The following FER variants were observed in gnomAD, a reference collection of about 807,000 sequenced individuals.
The protein encoded by FER is tyrosine-protein kinase Fer.
FER carries 63 observed loss-of-function variants against 111.0 expected under a neutral mutation model. The ratio of observed to expected loss-of-function variants is 0.57; its 90% CI spans 0.46 to 0.70. FER has a LOEUF of 0.70. FER is among the 30% of genes least tolerant of loss of function. The pLI is 0.00. For missense variants in FER, 914 were observed against 954.0 expected, an observed-to-expected ratio of 0.96 and a Z score of 0.55; for synonymous variants, 327 against 313.9, an observed-to-expected ratio of 1.04 and a Z score of -0.44.
At chr5:109,041,035 T>A (rs888331752) in intron 14 of FER, among the ~76,000 whole-genome samples, 1 of 152,046 alleles carries the variant, frequency 6.6e-6, no homozygotes, top group African/African-American at 2.4e-5. Context: ...ATGGGAGATT[T>A]GAGAAGAGAA....
intron 10 of FER, among the ~76,000 whole-genome samples, chr5:108,923,293 G>C (rs573743113): frequency 3.0e-4 from 46 of 151,832 alleles, no homozygotes; most frequent in African/African-American, 1.0e-3. Context: ...TAAAAAGTGA[G>C]TATCCAAAAA....
At chr5:109,116,912 A>G (rs531204352) in intron 17 of FER, among the ~76,000 whole-genome samples, 1 of 152,272 alleles carries the variant, frequency 6.6e-6, no homozygotes, top group African/African-American at 2.4e-5. Context: ...ATGCTTTTTA[A>G]AAAGGCCAAA....
rs544935038 is a variant in FER at position 109,116,643 on chromosome 5, C to G, written c.2048+16124C>G. ...TTATTCTCTTTACATGTTGCTTGTG[C>G]TGATGTCATTGATTATAGGCTGCCA... is the stretch of plus-strand genomic sequence containing the variant. On this transcript the variant is annotated intron_variant, in intron 17 of 19. Coordinates refer to ENST00000281092, the MANE Select transcript of FER (RefSeq NM_005246.4). Among the ~76,000 whole-genome samples the G allele has an allele frequency of 1.6e-3, 249 of 152,182 alleles. 1 individual carries two copies. The highest frequency in any genetic ancestry group is 5.7e-3 in the African/African-American group (235 of 41,520).
chr5:108,858,163 T>A (rs1254476995), intron 5 of FER, among the ~76,000 whole-genome samples: 1 of 152,198 alleles, frequency 6.6e-6, no homozygotes, highest in Non-Finnish European at 1.5e-5. Context: ...TTCACATTGA[T>A]ACTTCAAATT....
intron 5 of FER, among the ~76,000 whole-genome samples, chr5:108,856,528 AATG>A (rs1239749061): frequency 3.8e-4 from 58 of 152,188 alleles, no homozygotes; most frequent in Admixed American, 3.4e-3. Context: ...ATGCTAAATT[AATG>A]ATGATCTCTA....
At chr5:109,065,697 T>C (rs1002416787) in intron 16 of FER, among the ~76,000 whole-genome samples, 15 of 152,312 alleles carry the variant, frequency 9.8e-5, no homozygotes, top group Admixed American at 9.8e-4. Context: ...AAGCATTGTA[T>C]AGCCTCTTGT....
chr5:109,007,785 T>C (rs1415784593), intron 13 of FER, among the ~76,000 whole-genome samples: 1 of 152,186 alleles, frequency 6.6e-6, no homozygotes, highest in Non-Finnish European at 1.5e-5. Flanking sequence ...ATGAATGAGA[T>C]TGGTGGTTTG....
intron 13 of FER, among the ~76,000 whole-genome samples, chr5:109,034,118 T>A (rs1770028058): frequency 6.6e-6 from 1 of 152,194 alleles, no homozygotes; most frequent in African/African-American, 2.4e-5. Flanking sequence ...TTTGTACCAT[T>A]TGGTCAACTT....
At chr5:109,104,597 A>G (rs1048442054) in intron 17 of FER, among the ~76,000 whole-genome samples, 3 of 152,174 alleles carry the variant, frequency 2.0e-5, no homozygotes, top group African/African-American at 7.2e-5. Context: ...CAAAGTTACA[A>G]TGCTTTGTAA....
chr5:109,015,139 A>G (rs1365188877), intron 13 of FER, among the ~76,000 whole-genome samples: 1 of 152,044 alleles, frequency 6.6e-6, no homozygotes, highest in Non-Finnish European at 1.5e-5. Flanking sequence ...TATATGTATG[A>G]TTTGATAAGC....
At chr5:109,015,319 G>C (rs1436131888) in intron 13 of FER, among the ~76,000 whole-genome samples, 1 of 151,958 alleles carries the variant, frequency 6.6e-6, no homozygotes, top group Non-Finnish European at 1.5e-5. Context: ...AGTTCTTGGC[G>C]TCAAATAATA....
chr5:108,988,214 G>A (rs983149220), intron 13 of FER, among the ~76,000 whole-genome samples: 4 of 151,938 alleles, frequency 2.6e-5, no homozygotes, highest in African/African-American at 7.3e-5. Context: ...AAGGATTTTT[G>A]CATCTATATT....
At chr5:109,162,949 A>AC (rs1756144599) in intron 17 of FER, among the ~76,000 whole-genome samples, 2 of 151,924 alleles carry the variant, frequency 1.3e-5, no homozygotes, top group African/African-American at 2.4e-5. Flanking sequence ...TCATGTAATC[A>AC]TTACCACACT....
chr5:109,114,786 T>A (rs1582092449), intron 17 of FER, among the ~76,000 whole-genome samples: 1 of 152,156 alleles, frequency 6.6e-6, no homozygotes, highest in East Asian at 1.9e-4. Flanking sequence ...TCTCAGCATA[T>A]CTATCTTTAA....
intron 17 of FER, among the ~76,000 whole-genome samples, chr5:109,132,030 A>C (rs566656432): frequency 6.6e-6 from 1 of 152,296 alleles, no homozygotes; most frequent in South Asian, 2.1e-4. Flanking sequence ...AATGTACCTA[A>C]AGTATGTGTC....
chr5:108,760,826 G>T (rs538781644), intron 1 of FER, among the ~76,000 whole-genome samples: 2 of 152,248 alleles, frequency 1.3e-5, no homozygotes, highest in African/African-American at 4.8e-5. Context: ...CTTGTCATTT[G>T]CGTGTTCACT....
At chr5:109,169,387 C>T (rs565634587) in intron 17 of FER, among the ~76,000 whole-genome samples, 2 of 152,104 alleles carry the variant, frequency 1.3e-5, no homozygotes, top group Non-Finnish European at 2.9e-5. Context: ...ATAAAATAGA[C>T]CTGTATTCAT....
At chr5:109,146,271 T>TATATA (rs1554148373) in intron 17 of FER, among the ~76,000 whole-genome samples, 2 of 55,022 alleles carry the variant, frequency 3.6e-5, no homozygotes, top group African/African-American at 1.4e-4. Context: ...TATATATATA[T>TATATA]ATATATATAT....
At chr5:108,942,014 G>T (rs1384089262) in intron 10 of FER, among the ~76,000 whole-genome samples, 1 of 152,156 alleles carries the variant, frequency 6.6e-6, no homozygotes, top group African/African-American at 2.4e-5. Context: ...GGCTGTGCAT[G>T]TGTGGGGGCA....
Sources: allele counts gnomAD v4.1 joint callset (sites outside exome capture counted in the v4.1 genomes callset), GRCh38; gene constraint gnomAD v4.1.1; transcripts MANE v1.5; gene names NCBI Gene and HGNC (gene_info 2026-07-23, HGNC 2026-07-21).